Variants in UGGT2 observed in about 807,000 individuals in gnomAD.
UGGT2 encodes UDP-glucose:glycoprotein glucosyltransferase 2.
UGGT2 carries 180 observed loss-of-function variants against 192.1 expected under a neutral mutation model. The ratio of observed to expected loss-of-function variants is 0.94; its 90% CI spans 0.83 to 1.06. The LOEUF is 1.06. Among genes scored for constraint, UGGT2 ranks in the 50% least tolerant of loss-of-function variants. The pLI is 0.00. For synonymous variants in UGGT2, 580 were observed against 591.0 expected (o/e 0.98, Z 0.27); for missense variants, 1,849 against 1,795.7 (o/e 1.03, Z -0.54).
At chr13:95,850,080 C>T (rs1888884159) in intron 36 of UGGT2, among the ~76,000 whole-genome samples, 1 of 151,552 alleles carries the variant, frequency 6.6e-6, no homozygotes, top group African/African-American at 2.4e-5. Context: ...CTGTTTTTTT[C>T]CCCTAGTTTC....
At chr13:95,872,032 T>G (rs1442000379) in intron 29 of UGGT2, among the ~76,000 whole-genome samples, 8 of 152,176 alleles carry the variant, frequency 5.3e-5, no homozygotes, top group African/African-American at 1.9e-4. Context: ...TGATTACAAG[T>G]GTTACTTTGG....
intron 38 of UGGT2, among the ~76,000 whole-genome samples, chr13:95,824,119 C>T (rs1885778617): frequency 6.6e-6 from 1 of 152,130 alleles, no homozygotes; most frequent in African/African-American, 2.4e-5. Context: ...GATAGGACCC[C>T]ATTTCCCTTC....
intron 10 of UGGT2, among the ~76,000 whole-genome samples, chr13:95,977,259 C>T (rs552902811): frequency 9.9e-5 from 15 of 152,262 alleles, no homozygotes; most frequent in Admixed American, 3.3e-4. Flanking sequence ...TCAGAGTGAA[C>T]AGGCAACCTA....
In UGGT2 at chr13:95,960,178, G is replaced by A. The variant is rs779764399; in HGVS notation, c.1335+9934C>T. On this transcript the variant is annotated intron_variant, in intron 12 of 38. Transcript: ENST00000376747. The stretch of plus-strand genomic sequence containing the variant: ...TTACACCAGATGCACAGATGTCAAC[G>A]TAAGGACACAGGAACATAAGCAATC... Among the ~76,000 whole-genome samples the A allele has an allele frequency of 4.6e-5, 7 of 152,268 alleles. No individual in the cohort carries two copies. The East Asian group carries it at 5.8e-4, about 13-fold the overall frequency.
chr13:95,893,593 T>A (rs1049259203), intron 24 of UGGT2, among the ~76,000 whole-genome samples: 19 of 152,178 alleles, frequency 1.2e-4, no homozygotes, highest in African/African-American at 4.3e-4. Flanking sequence ...AGTGTGACTT[T>A]AATGTAGAAA....
chr13:96,044,147 C>T (rs550963660), intron 1 of UGGT2, among the ~76,000 whole-genome samples: 2 of 152,106 alleles, frequency 1.3e-5, no homozygotes, highest in Non-Finnish European at 2.9e-5. Flanking sequence ...TTTAAGAAAA[C>T]TGACATTATA....
intron 20 of UGGT2, among the ~76,000 whole-genome samples, chr13:95,908,574 G>A (rs1258401097): frequency 6.6e-6 from 1 of 151,910 alleles, no homozygotes; most frequent in Non-Finnish European, 1.5e-5. Flanking sequence ...CAGTGTAAAA[G>A]TGTTCCTATT....
At chr13:95,966,221 G>C (rs546494958) in intron 12 of UGGT2, among the ~76,000 whole-genome samples, 1 of 152,190 alleles carries the variant, frequency 6.6e-6, no homozygotes, top group Non-Finnish European at 1.5e-5. Flanking sequence ...CCACAGAAAA[G>C]AATGAAATGT....
chr13:96,000,975 T>C (rs2051782261), intron 5 of UGGT2, among the ~76,000 whole-genome samples: 2 of 152,216 alleles, frequency 1.3e-5, no homozygotes, highest in African/African-American at 4.8e-5. Flanking sequence ...ATTTACATTA[T>C]AGTTATTTTG....
chr13:95,960,368 G>A (rs189444363), intron 12 of UGGT2, among the ~76,000 whole-genome samples: 1 of 152,270 alleles, frequency 6.6e-6, no homozygotes, highest in East Asian at 1.9e-4. Context: ...AAATAAGTGA[G>A]AAATTTACCA....
At chr13:95,943,865 A>T (rs2049775189) in intron 15 of UGGT2, among the ~76,000 whole-genome samples, 1 of 152,172 alleles carries the variant, frequency 6.6e-6, no homozygotes, top group South Asian at 2.1e-4. Flanking sequence ...ATTTTTAAAA[A>T]CAATGCTTTC....
chr13:95,933,910 T>C (rs2049373519), intron 17 of UGGT2, among the ~76,000 whole-genome samples: 1 of 152,116 alleles, frequency 6.6e-6, no homozygotes. Context: ...GGTCTCGATC[T>C]CCTGACCTCG....
At position 95,900,928 on chromosome 13, in the gene UGGT2, T is replaced by C. The variant is rs751482542; in HGVS notation, c.2513A>G (p.Lys838Arg). ...ATTATATTTTTTCTCAAAAGCATTC[T>C]TATCCATCCCCTAAAGCAAAAGTTA... Reference protein sequence around the residue: ...IKTFLIEGMDKNAFEKKYNTV... With the variant: ...IKTFLIEGMDRNAFEKKYNTV... The change falls in exon 22 of 39, where the codon AAG (lysine) becomes AGG (arginine). Residue 838 changes from lysine to arginine, a missense_variant. Physicochemically the swap from Lys to Arg is conservative, Grantham distance 26. Coordinates refer to ENST00000376747, the MANE Select transcript of UGGT2 (RefSeq NM_020121.4). The C allele has an allele frequency of 5.0e-6, 8 of 1,590,416 alleles. No homozygotes were observed. The South Asian group carries it at 9.2e-5, about 18-fold the overall frequency.
intron 20 of UGGT2, among the ~76,000 whole-genome samples, chr13:95,907,111 G>A (rs957200078): frequency 1.3e-5 from 2 of 152,194 alleles, no homozygotes; most frequent in Non-Finnish European, 2.9e-5. Context: ...ATTCTCTCCC[G>A]TGCCCGACAC....
chr13:95,826,990 T>C (rs1174982587), intron 38 of UGGT2, among the ~76,000 whole-genome samples: 1 of 152,136 alleles, frequency 6.6e-6, no homozygotes, highest in Non-Finnish European at 1.5e-5. Context: ...GGCACATGTA[T>C]AGACAGAGAC....
intron 16 of UGGT2, among the ~76,000 whole-genome samples, chr13:95,938,495 T>C (rs115794616): frequency 1.4e-3 from 217 of 152,322 alleles, no homozygotes; most frequent in African/African-American, 4.8e-3. Context: ...CTTCTTATGT[T>C]ACACAGCTAC....
chr13:95,907,852 C>T (rs563147711), intron 20 of UGGT2, among the ~76,000 whole-genome samples: 8 of 152,286 alleles, frequency 5.3e-5, no homozygotes, highest in Non-Finnish European at 1.0e-4. Flanking sequence ...TCCAAAGGAT[C>T]GCAGCTCCTC....
At chr13:95,824,584 C>A (rs1351898727) in intron 38 of UGGT2, among the ~76,000 whole-genome samples, 1 of 152,072 alleles carries the variant, frequency 6.6e-6, no homozygotes, top group African/African-American at 2.4e-5. Context: ...TATTGTTGAA[C>A]CTTTCCATGG....
intron 12 of UGGT2, among the ~76,000 whole-genome samples, chr13:95,963,237 A>G (rs1273595150): frequency 6.6e-6 from 1 of 152,206 alleles, no homozygotes; most frequent in Non-Finnish European, 1.5e-5. Context: ...CAGAGATGCA[A>G]GGATAGTTCA....
Sources: allele counts gnomAD v4.1 joint callset (sites outside exome capture counted in the v4.1 genomes callset), GRCh38; gene constraint gnomAD v4.1.1; transcripts MANE v1.5; gene names NCBI Gene and HGNC (gene_info 2026-07-23, HGNC 2026-07-21).